Variants in TRPM7 observed in about 807,000 individuals in gnomAD.
TRPM7 encodes the protein transient receptor potential cation channel subfamily M member 7, also known as LTRPC ion channel family member 7.
Under a neutral mutation model 229.7 loss-of-function variants are expected in TRPM7, and 134 were observed. The observed-to-expected ratio is 0.58, with a 90% CI of 0.51 to 0.67. The LOEUF is 0.67. Among genes scored for constraint, TRPM7 ranks in the 30% least tolerant of loss-of-function variants. The probability of loss-of-function intolerance (pLI) is 0.00; values close to 1 mark genes in which losing one functional copy is unlikely to be tolerated. For synonymous variants in TRPM7, 699 were observed against 715.2 expected, an observed-to-expected ratio of 0.98 and a Z score of 0.36; for missense variants, 1,901 against 2,210.0, an observed-to-expected ratio of 0.86 and a Z score of 2.80.
At chr15:50,561,842 A>AG in intron 38 of TRPM7, 34 bp from the exon 39 acceptor site, 1 of 1,502,358 alleles carries the variant, frequency 6.7e-7, no homozygotes, top group Non-Finnish European at 8.9e-7. Context: ...TAAAAAAAAA[A>AG]AAGAAAGAGA....
chr15:50,590,222 T>C (rs2059452442), intron 26 of TRPM7, among the ~76,000 whole-genome samples: 1 of 151,858 alleles, frequency 6.6e-6, no homozygotes, highest in South Asian at 2.1e-4. Flanking sequence ...CAACATGTGA[T>C]ATGAATAAAT....
intron 6 of TRPM7, among the ~76,000 whole-genome samples, chr15:50,637,969 C>G (rs968329844): frequency 5.9e-5 from 9 of 152,190 alleles, no homozygotes; most frequent in Non-Finnish European, 1.5e-5. Context: ...GTGATCCCGT[C>G]ACTTTGGGAG....
rs557758703 is a variant in TRPM7, at chr15:50,673,454, T to C, written c.4-10408A>G. ...TTTCTCCCTGAGTCCCCAAAGTCCA[T>C]TGTGTCATTCTTATGCCTTTGCGTC... On this transcript the variant is annotated intron_variant, in intron 1 of 38. Coordinates refer to ENST00000646667, the MANE Select transcript of TRPM7 (RefSeq NM_017672.6). 9.0e-4 allele frequency among the ~76,000 whole-genome samples: 137 copies of C among 152,242 alleles called. 1 individual carries two copies. Among genetic ancestry groups the C allele is most frequent in the African/African-American group, 3.0e-3 (126 of 41,536 alleles).
chr15:50,629,289 C>G (rs2060654710), intron 10 of TRPM7, among the ~76,000 whole-genome samples: 2 of 149,500 alleles, frequency 1.3e-5, no homozygotes, highest in African/African-American at 5.0e-5. Context: ...CTTCTCTTTT[C>G]TGAGACCGAG....
chr15:50,621,958 A>T (rs764230243), intron 12 of TRPM7, among the ~76,000 whole-genome samples: 1 of 152,086 alleles, frequency 6.6e-6, no homozygotes, highest in Non-Finnish European at 1.5e-5. Flanking sequence ...TGAACCTGGG[A>T]GGTGGAGGTC....
chr15:50,642,022 G>C (rs1460570690), intron 5 of TRPM7, among the ~76,000 whole-genome samples: 1 of 150,926 alleles, frequency 6.6e-6, no homozygotes, highest in Non-Finnish European at 1.5e-5. Flanking sequence ...AAAAGTTGCT[G>C]ATAATGAATT....
chr15:50,564,539 ATATG>A (rs1200099193), intron 38 of TRPM7, among the ~76,000 whole-genome samples: 3 of 151,848 alleles, frequency 2.0e-5, no homozygotes, highest in Admixed American at 6.6e-5. Flanking sequence ...TAACATATAT[ATATG>A]TATGTTTTTA....
Position 50,571,401 on chromosome 15 carries a change from G to A in TRPM7, c.5309-1246C>T, listed in dbSNP as rs185161087. ...TAAGGAAATAAAAGTAGCAGTGCATGAGAATGGTTTGCTGCAAGCACTGTT... is the reference window on the plus strand; with the variant it reads ...TAAGGAAATAAAAGTAGCAGTGCATAAGAATGGTTTGCTGCAAGCACTGTT... On this transcript the variant is annotated intron_variant, in intron 36 of 38. Transcript: ENST00000646667. Among the ~76,000 whole-genome samples, 3 of 152,336 alleles carry A rather than the reference G, an allele frequency of 2.0e-5. No individual in the cohort carries two copies. The East Asian group carries it at 5.8e-4, about 29-fold the overall frequency.
intron 1 of TRPM7, among the ~76,000 whole-genome samples, chr15:50,671,312 T>C (rs1443642552): frequency 2.0e-5 from 3 of 152,174 alleles, no homozygotes; most frequent in South Asian, 4.1e-4. Flanking sequence ...ATGTAGTATC[T>C]TGTCTTTCTG....
At chr15:50,575,941 C>A (rs371062325) in intron 31 of TRPM7, 22 bp from the exon 32 acceptor site, 2 of 1,610,398 alleles carry the variant, frequency 1.2e-6, no homozygotes, top group South Asian at 2.2e-5. Flanking sequence ...AATAAACAAA[C>A]GAGACCATTT....
Position 50,644,350 on chromosome 15 carries a change from C to T in TRPM7, c.322-797G>A, listed in dbSNP as rs2061195797. Among the ~76,000 whole-genome samples, 3 of 152,122 alleles carry T rather than the reference C, an allele frequency of 2.0e-5. 1 individual carries two copies. In the South Asian group the frequency reaches 6.2e-4, roughly 32 times the overall value. On this transcript the variant is annotated intron_variant, in intron 4 of 38. Coordinates refer to ENST00000646667, the MANE Select transcript of TRPM7 (RefSeq NM_017672.6). Reference sequence around the variant, plus strand: ...TACTCACATTAATTCATTCTCTTGGCCTAAAGCACATATATGAAGTAGCTC... The same window carrying T: ...TACTCACATTAATTCATTCTCTTGGTCTAAAGCACATATATGAAGTAGCTC...
intron 28 of TRPM7, among the ~76,000 whole-genome samples, chr15:50,584,200 T>C (rs2140317601): frequency 6.6e-6 from 1 of 152,216 alleles, no homozygotes; most frequent in Non-Finnish European, 1.5e-5. Context: ...AACCTCAGAA[T>C]GAAGAAAGGA....
intron 1 of TRPM7, among the ~76,000 whole-genome samples, chr15:50,676,038 T>C (rs2062086911): frequency 6.6e-6 from 1 of 152,222 alleles, no homozygotes; most frequent in African/African-American, 2.4e-5. Flanking sequence ...AAATGATCCA[T>C]GTAAGTTGTT....
chr15:50,623,348 G>A (rs914306323), intron 12 of TRPM7, among the ~76,000 whole-genome samples: 1 of 151,892 alleles, frequency 6.6e-6, no homozygotes, highest in Non-Finnish European at 1.5e-5. Flanking sequence ...GGAGGCGGAG[G>A]CTGCAGTGAG....
intron 1 of TRPM7, among the ~76,000 whole-genome samples, chr15:50,684,328 T>C (rs1288597390): frequency 1.3e-5 from 2 of 152,092 alleles, no homozygotes; most frequent in African/African-American, 4.8e-5. Flanking sequence ...TTAGATTAAC[T>C]ACTAACTAGT....
chr15:50,619,023 G>A (rs1464191705), intron 13 of TRPM7, among the ~76,000 whole-genome samples: 1 of 152,026 alleles, frequency 6.6e-6, no homozygotes, highest in Non-Finnish European at 1.5e-5. Context: ...TACTGGCAAA[G>A]TCTGCCATTA....
chr15:50,685,293 G>A (rs2062332546), intron 1 of TRPM7, among the ~76,000 whole-genome samples: 1 of 152,118 alleles, frequency 6.6e-6, no homozygotes. Context: ...GTGAAACCCC[G>A]TCTCTACTAA....
rs376773803 is a variant in TRPM7 at position 50,594,589 on chromosome 15, T to C, written c.3315A>G (p.Ala1105=). Residue 1105 remains alanine (A), a synonymous_variant, in exon 24 of 39, where the codon GCA becomes GCG. Coordinates refer to ENST00000646667, the MANE Select transcript of TRPM7 (RefSeq NM_017672.6). ...GGTACTTCCATACAATATTGGAAATTGCCTTCACTTGTAAATACACATTGC... is the reference window on the plus strand; with the variant it reads ...GGTACTTCCATACAATATTGGAAATCGCCTTCACTTGTAAATACACATTGC... ...FFNNVYLQVK[A]ISNIVWKYQR... 9 of 1,602,566 alleles carry C rather than the reference T, an allele frequency of 5.6e-6. No individual in the cohort carries two copies. The African/African-American group carries it at 9.4e-5, about 17-fold the overall frequency.
intron 3 of TRPM7, among the ~76,000 whole-genome samples, chr15:50,653,105 C>G (rs189654586): frequency 2.8e-4 from 42 of 152,268 alleles, no homozygotes; most frequent in Admixed American, 2.7e-3. Context: ...GACTGTGACA[C>G]TGCACTCCAG....
Sources: gnomAD v4.1 joint callset for allele counts (sites outside exome capture counted in the v4.1 genomes callset) on GRCh38, gnomAD v4.1.1 for gene constraint, MANE v1.5 for transcripts, NCBI Gene and HGNC (gene_info 2026-07-23, HGNC 2026-07-21) for gene names.